APBA2: variants seen among roughly 807,000 people sequenced by gnomAD.
APBA2 encodes amyloid-beta A4 precursor protein-binding family A member 2.
In APBA2, 30 loss-of-function variants were observed where a neutral mutation model predicts 75.0. The observed-to-expected ratio is 0.40, with a 90% CI of 0.30 to 0.54. APBA2 has a LOEUF of 0.54. Among genes scored for constraint, APBA2 ranks in the 20% least tolerant of loss-of-function variants. The pLI is 0.49. For synonymous variants in APBA2, 444 were observed against 409.6 expected, an observed-to-expected ratio of 1.08 and a Z score of -1.01; for missense variants, 801 against 1,016.1, an observed-to-expected ratio of 0.79 and a Z score of 2.88.
In APBA2 at chr15:28,892,092, T is replaced by C. The variant is rs1222958756; in HGVS notation, c.-205+5814T>C. On this transcript the variant is annotated intron_variant, in intron 1 of 14. Coordinates refer to ENST00000683413, the MANE Select transcript of APBA2 (RefSeq NM_001353788.2). ...TATATAATATATATATATGTTTTTT[T>C]GAGACGGAGTCTCGCCCTGTCACCC... Among the ~76,000 whole-genome samples the C allele has an allele frequency of 1.9e-4, 28 of 147,776 alleles. 1 individual carries two copies. The East Asian group carries it at 4.5e-3, about 24-fold the overall frequency.
chr15:28,900,077 A>G (rs1266725718), intron 1 of APBA2, among the ~76,000 whole-genome samples: 1 of 152,088 alleles, frequency 6.6e-6, no homozygotes, highest in Admixed American at 6.5e-5. Flanking sequence ...GAGGAGTTGG[A>G]GCCCCAGACA....
rs944296180 is a variant in APBA2 at position 28,982,002 on chromosome 15, G to A, written c.-94-13751G>A. 5.3e-5 allele frequency among the ~76,000 whole-genome samples: 8 copies of A among 152,168 alleles called. No individual in the cohort carries two copies. In the South Asian group the frequency reaches 1.4e-3, roughly 28 times the overall value. On this transcript the variant is annotated intron_variant, in intron 2 of 14. Transcript: ENST00000683413. ...CAGTAGACACCAAGGACTACTAGAG[G>A]GCAGAGGGTGACAGCGGGGCAAGGG...
intron 9 of APBA2, among the ~76,000 whole-genome samples, chr15:29,099,276 G>A (rs2044004325): frequency 6.6e-6 from 1 of 152,198 alleles, no homozygotes; most frequent in Non-Finnish European, 1.5e-5. Context: ...ACCACAGGCT[G>A]GGTGGTTTGG....
At chr15:28,969,154 T>TGC in intron 2 of APBA2, among the ~76,000 whole-genome samples, 1 of 77,424 alleles carries the variant, frequency 1.3e-5, no homozygotes, top group African/African-American at 3.9e-4. Context: ...CTTTCTTTCT[T>TGC]TCTTTCTTTC....
chr15:28,915,818 C>T lies in APBA2; in HGVS notation c.-204-5822C>T, dbSNP rs1384593218. Among the ~76,000 whole-genome samples, 281 of 150,400 alleles carry T rather than the reference C, an allele frequency of 1.9e-3. 2 individuals are homozygous for T. Among genetic ancestry groups the T allele is most frequent in the African/African-American group, 6.6e-3 (269 of 40,922 alleles). Reference sequence around the variant, plus strand: ...ACACAACACATTCACATCACACACACCACATACCACACACCATACATAGCA... The same window carrying T: ...ACACAACACATTCACATCACACACATCACATACCACACACCATACATAGCA... On this transcript the variant is annotated intron_variant, in intron 1 of 14. Coordinates refer to ENST00000683413, the MANE Select transcript of APBA2 (RefSeq NM_001353788.2).
intron 2 of APBA2, among the ~76,000 whole-genome samples, chr15:28,988,920 A>G (rs898297021): frequency 1.3e-5 from 2 of 152,214 alleles, no homozygotes; most frequent in Admixed American, 1.3e-4. Context: ...CTGACAGCGT[A>G]TGAGTTTCCT....
chr15:29,059,023 A>G (rs2042021965), intron 4 of APBA2, among the ~76,000 whole-genome samples: 1 of 152,222 alleles, frequency 6.6e-6, no homozygotes, highest in African/African-American at 2.4e-5. Context: ...ATTGATTTGT[A>G]ACCCTGAAAT....
rs1445107391 is a variant in APBA2 at position 29,039,098 on chromosome 15, G to GGGGTGT, written c.-40-14746_-40-14745insGGTGTG. Among the ~76,000 whole-genome samples the GGGGTGT allele has an allele frequency of 2.7e-3, 287 of 106,294 alleles. 1 individual carries two copies. The highest frequency in any genetic ancestry group is 4.0e-3 in the Non-Finnish European group (206 of 52,082). 69.7% of individuals were successfully genotyped at this position (106,294 alleles called of 152,430 possible). On this transcript the variant is annotated intron_variant, in intron 3 of 14. Coordinates refer to ENST00000683413, the MANE Select transcript of APBA2 (RefSeq NM_001353788.2). ...CAGCCTTATTTCAGCTGTATGTCAG[G>GGGGTGT]GTGTGTGTGTGTGTGTGTGTGTGTG... is the stretch of plus-strand genomic sequence containing the variant.
chr15:28,928,923 A>T (rs1248236734), intron 2 of APBA2, among the ~76,000 whole-genome samples: 1 of 152,176 alleles, frequency 6.6e-6, no homozygotes, highest in African/African-American at 2.4e-5. Flanking sequence ...CTACTGTGGT[A>T]TGGCCCTGGA....
At chr15:29,097,327 C>A (rs1215864779) in intron 8 of APBA2, among the ~76,000 whole-genome samples, 1 of 152,258 alleles carries the variant, frequency 6.6e-6, no homozygotes, top group African/African-American at 2.4e-5. Context: ...GGCGACAGAC[C>A]CAGGCGTCCC....
At chr15:29,031,266 G>C (rs2040473590) in intron 3 of APBA2, among the ~76,000 whole-genome samples, 1 of 152,118 alleles carries the variant, frequency 6.6e-6, no homozygotes, top group African/African-American at 2.4e-5. Context: ...GCATTCATTT[G>C]CTCAGGCTGC....
At chr15:28,977,977 C>G (rs1326413042) in intron 2 of APBA2, among the ~76,000 whole-genome samples, 1 of 152,194 alleles carries the variant, frequency 6.6e-6, no homozygotes, top group African/African-American at 2.4e-5. Flanking sequence ...CTCTGCCACT[C>G]AGGGGCTGTG....
Position 28,964,871 on chromosome 15 carries a change from T to C in APBA2, c.-94-30882T>C, listed in dbSNP as rs182151001. ...TTATATATTCTAGATACAAGTCCTT[T>C]GTTAGGTACGTGATTTGCAAATAAT... On this transcript the variant is annotated intron_variant, in intron 2 of 14. Coordinates refer to ENST00000683413, the MANE Select transcript of APBA2 (RefSeq NM_001353788.2). 2.6e-5 allele frequency among the ~76,000 whole-genome samples: 4 copies of C among 152,292 alleles called. No homozygotes were observed. The East Asian group carries it at 7.7e-4, about 29-fold the overall frequency.
At chr15:28,915,995 C>T (rs1490808987) in intron 1 of APBA2, among the ~76,000 whole-genome samples, 28 of 152,268 alleles carry the variant, frequency 1.8e-4, no homozygotes, top group Middle Eastern at 3.4e-3. Context: ...CACACACCCC[C>T]GCCACACACA....
At chr15:28,904,951 C>T (rs1196445478) in intron 1 of APBA2, among the ~76,000 whole-genome samples, 9 of 152,276 alleles carry the variant, frequency 5.9e-5, no homozygotes, top group South Asian at 2.1e-4. Flanking sequence ...GGGGCTGGGC[C>T]GCTGACCTGA....
intron 3 of APBA2, among the ~76,000 whole-genome samples, chr15:29,002,319 A>G (rs12595674): frequency 0.021 from 3,129 of 152,338 alleles, 163 homozygotes; most frequent in East Asian, 0.2. Context: ...GGTCTCCTGT[A>G]TCGCAGCAGA....
chr15:29,037,038 G>A (rs1439873425), intron 3 of APBA2, among the ~76,000 whole-genome samples: 1 of 151,386 alleles, frequency 6.6e-6, no homozygotes, highest in African/African-American at 2.4e-5. Flanking sequence ...AAAAGAGAAA[G>A]TTTTGCATAA....
At position 29,098,479 on chromosome 15, in the gene APBA2, G is replaced by C; in HGVS notation, c.1252-11G>C. 1.9e-6 allele frequency: 3 copies of C among 1,609,372 alleles called. No homozygotes were observed. The highest frequency in any genetic ancestry group is 2.6e-6 in the Non-Finnish European group (3 of 1,175,628). ...TTTTTGGACTTTAACAATATCCACT[G>C]TCCTTCTTAGAATTCTGAGGGGGAT... On this transcript the variant is annotated splice_polypyrimidine_tract_variant and intron_variant, in intron 8 of 14. Coordinates refer to ENST00000683413, the MANE Select transcript of APBA2 (RefSeq NM_001353788.2).
chr15:28,963,576 G>A (rs569339497), intron 2 of APBA2, among the ~76,000 whole-genome samples: 24 of 152,294 alleles, frequency 1.6e-4, no homozygotes, highest in African/African-American at 5.3e-4. Context: ...TGAGAAAGCC[G>A]GCCACAGTCC....
Sources: gnomAD v4.1 joint callset for allele counts (sites outside exome capture counted in the v4.1 genomes callset) on GRCh38, gnomAD v4.1.1 for gene constraint, MANE v1.5 for transcripts, NCBI Gene and HGNC (gene_info 2026-07-23, HGNC 2026-07-21) for gene names.